Variants in ALDH9A1 observed in about 807,000 individuals in gnomAD.
ALDH9A1 encodes 4-trimethylaminobutyraldehyde dehydrogenase.
ALDH9A1 carries 42 observed loss-of-function variants against 56.6 expected under a neutral mutation model. The ratio of observed to expected loss-of-function variants is 0.74; its 90% confidence interval spans 0.58 to 0.96. ALDH9A1 has a LOEUF of 0.96. Among genes scored for constraint, ALDH9A1 ranks in the 40% least tolerant of loss-of-function variants. The probability of loss-of-function intolerance (pLI) is 0.00; values close to 1 mark genes in which losing one functional copy is unlikely to be tolerated. For missense variants in ALDH9A1, 661 were observed against 651.5 expected (o/e 1.01, Z -0.16); for synonymous variants, 242 against 236.0 (o/e 1.03, Z -0.23).
rs1255183237 is a variant in ALDH9A1 at position 165,694,251 on chromosome 1, G to A, written c.327+1001C>T. Among the ~76,000 whole-genome samples the A allele has an allele frequency of 3.3e-5, 5 of 150,254 alleles. No individual in the cohort carries two copies. In the South Asian group the frequency reaches 8.5e-4, roughly 25 times the overall value. On this transcript the variant is annotated intron_variant, in intron 2 of 10. Transcript: ENST00000354775. Reference sequence around the variant, plus strand: ...GAGGCAGGATTATCACTTGTTCCTCGCAGCTCTGGACTCCCAGGAAGAGGC... The same window carrying A: ...GAGGCAGGATTATCACTTGTTCCTCACAGCTCTGGACTCCCAGGAAGAGGC...
intron 6 of ALDH9A1, among the ~76,000 whole-genome samples, chr1:165,670,811 C>T (rs989472010): frequency 6.6e-6 from 1 of 152,104 alleles, no homozygotes; most frequent in Admixed American, 6.5e-5. Context: ...GTGGCTCAGG[C>T]CTGTAATCCC....
intron 2 of ALDH9A1, among the ~76,000 whole-genome samples, chr1:165,689,794 C>T (rs542874585): frequency 1.3e-5 from 2 of 151,748 alleles, no homozygotes; most frequent in South Asian, 2.1e-4. Flanking sequence ...AATAGCCAGG[C>T]GTGGTGTCAT....
At chr1:165,673,385 G>C (rs887290428) in intron 6 of ALDH9A1, among the ~76,000 whole-genome samples, 6 of 152,188 alleles carry the variant, frequency 3.9e-5, no homozygotes, top group Non-Finnish European at 5.9e-5. Context: ...CTCTGCCTAT[G>C]GAGTAGCCAT....
At chr1:165,683,950 A>G (rs765049000) in intron 2 of ALDH9A1, among the ~76,000 whole-genome samples, 14 of 152,244 alleles carry the variant, frequency 9.2e-5, no homozygotes, top group Non-Finnish European at 1.8e-4. Flanking sequence ...GGTGACTATC[A>G]GAACATACAT....
chr1:165,673,037 T>C (rs1442425361), intron 6 of ALDH9A1, among the ~76,000 whole-genome samples: 2 of 139,330 alleles, frequency 1.4e-5, no homozygotes, highest in Non-Finnish European at 3.1e-5. Context: ...AAATTTTACA[T>C]TAGGCTTTAC....
intron 2 of ALDH9A1, among the ~76,000 whole-genome samples, chr1:165,691,208 G>A (rs1404198875): frequency 6.6e-6 from 1 of 152,192 alleles, no homozygotes; most frequent in Non-Finnish European, 1.5e-5. Flanking sequence ...TGCAATATTT[G>A]CTGTTCTACA....
Position 165,671,270 on chromosome 1 carries a change from C to T in ALDH9A1, c.931-1820G>A, listed in dbSNP as rs550675154. On this transcript the variant is annotated intron_variant, in intron 6 of 10. Transcript: ENST00000354775. ...CAGCTGCCATCATGGGTCACATGCA[C>T]GCTTCTGGGAAGGGTCTGTCTCAGT... 27 of 242,344 alleles carry T rather than the reference C, an allele frequency of 1.1e-4. 1 individual carries two copies. The highest frequency in any genetic ancestry group is 8.9e-4 in the South Asian group (19 of 21,260). 15.0% of individuals were successfully genotyped at this position (242,344 alleles called of 1,614,324 possible).
intron 2 of ALDH9A1, 95 bp from the exon 3 acceptor site, chr1:165,683,205 C>A: frequency 7.7e-7 from 1 of 1,303,928 alleles, no homozygotes; most frequent in South Asian, 1.3e-5. Context: ...ATTTTTAAAA[C>A]TAAAAATAGC....
intron 1 of ALDH9A1, among the ~76,000 whole-genome samples, chr1:165,697,842 A>C (rs1204252803): frequency 6.6e-6 from 1 of 151,820 alleles, no homozygotes; most frequent in East Asian, 1.9e-4. Context: ...CAGCCTGAGT[A>C]ACATGCTGAA....
Position 165,680,647 on chromosome 1 carries a change from G to C in ALDH9A1, c.629C>G (p.Pro210Arg). ...TTCAGCCAGTAGCAATGCAGAAACAGGTGTAAAGGGAGAAGGTTTAAAGAC... is the reference window on the plus strand; with the variant it reads ...TTCAGCCAGTAGCAATGCAGAAACACGTGTAAAGGGAGAAGGTTTAAAGAC... Reference protein sequence around the residue: ...AMVFKPSPFTPVSALLLAEIY... With the variant: ...AMVFKPSPFTRVSALLLAEIY... Residue 210 changes from proline (P) to arginine (R), a missense_variant, in exon 5 of 11, where the codon CCT (proline) becomes CGT (arginine). Coordinates refer to ENST00000354775, the MANE Select transcript of ALDH9A1 (RefSeq NM_000696.4). The C allele has an allele frequency of 6.2e-7, 1 of 1,613,454 alleles. No homozygotes were observed. The highest frequency in any genetic ancestry group is 8.5e-7 in the Non-Finnish European group (1 of 1,179,798).
intron 3 of ALDH9A1, 103 bp downstream of exon 3, chr1:165,682,878 T>C (rs1206919671): frequency 9.6e-6 from 13 of 1,354,304 alleles, no homozygotes; most frequent in Non-Finnish European, 1.3e-5. Flanking sequence ...ACCCAAGACT[T>C]TCACCCAGGT....
chr1:165,672,675 G>A lies in ALDH9A1; in HGVS notation c.931-3225C>T, dbSNP rs1031869037. Among the ~76,000 whole-genome samples, 6 of 152,248 alleles carry A rather than the reference G, an allele frequency of 3.9e-5. No homozygotes were observed. In the South Asian group the frequency reaches 6.2e-4, roughly 16 times the overall value. ...AAAAAGGCCAGGTGTGGTGGCTCAC[G>A]CCTGTAGTTCCAGCACCTTGGGAGG... is the stretch of plus-strand genomic sequence containing the variant. On this transcript the variant is annotated intron_variant, in intron 6 of 10. Coordinates refer to ENST00000354775, the MANE Select transcript of ALDH9A1 (RefSeq NM_000696.4).
Position 165,669,159 on chromosome 1 carries a change from G to C in ALDH9A1, c.1119+103C>G, listed in dbSNP as rs1032088826. ...CAGCCAGGGATGCTAATAGTCCAATGAATAATAGTCATACGAATATTAACA... is the reference window on the plus strand; with the variant it reads ...CAGCCAGGGATGCTAATAGTCCAATCAATAATAGTCATACGAATATTAACA... On this transcript the variant is annotated intron_variant, in intron 7 of 10. Transcript: ENST00000354775. 7 of 1,345,788 alleles carry C rather than the reference G, an allele frequency of 5.2e-6. No individual in the cohort carries two copies. The African/African-American group carries it at 1.0e-4, about 20-fold the overall frequency. The allele number at this position is 1,345,788 out of a possible 1,614,324, so 83.4% of individuals were successfully genotyped here.
chr1:165,688,673 ACTC>A (rs1649787978), intron 2 of ALDH9A1, among the ~76,000 whole-genome samples: 1 of 152,114 alleles, frequency 6.6e-6, no homozygotes. Flanking sequence ...GTGCCACTGC[ACTC>A]CAGCCTGGGT....
At chr1:165,687,142 G>C (rs10753687) in intron 2 of ALDH9A1, among the ~76,000 whole-genome samples, 105,499 of 151,890 alleles carry the variant, frequency 0.69, 36,957 homozygotes, top group East Asian at 0.98. Flanking sequence ...ACACACACAG[G>C]GGGTGGGAGG....
chr1:165,671,019 C>T (rs1649162514), intron 6 of ALDH9A1, among the ~76,000 whole-genome samples: 1 of 152,134 alleles, frequency 6.6e-6, no homozygotes, highest in African/African-American at 2.4e-5. Context: ...TGCAGTGAGC[C>T]GAGATCGTCC....
chr1:165,677,857 CAA>C (rs35531113), intron 6 of ALDH9A1, among the ~76,000 whole-genome samples: 37,371 of 86,324 alleles, frequency 0.43, 5,640 homozygotes, highest in Middle Eastern at 0.53. Context: ...GACTCTGTCT[CAA>C]AAAAAAAAAA....
Position 165,695,241 on chromosome 1 carries a change from T to C in ALDH9A1, c.327+11A>G, listed in dbSNP as rs748629569. ...TGTCTGAGTTCTGGAAGGAAATAAATTGGAACATACCCTTATTATCCTGGC... is the reference window on the plus strand; with the variant it reads ...TGTCTGAGTTCTGGAAGGAAATAAACTGGAACATACCCTTATTATCCTGGC... On this transcript the variant is annotated intron_variant, in intron 2 of 10. Coordinates refer to ENST00000354775, the MANE Select transcript of ALDH9A1 (RefSeq NM_000696.4). 6 of 1,587,726 alleles carry C rather than the reference T, an allele frequency of 3.8e-6. No homozygotes were observed. In the East Asian group the frequency reaches 9.2e-5, roughly 24 times the overall value.
rs556845784 is a variant in ALDH9A1 at position 165,696,445 on chromosome 1, A to G, written c.182-1048T>C. Among the ~76,000 whole-genome samples, 41 of 152,294 alleles carry G rather than the reference A, an allele frequency of 2.7e-4. No homozygotes were observed. The South Asian group carries it at 6.0e-3, about 22-fold the overall frequency. On this transcript the variant is annotated intron_variant, in intron 1 of 10. Coordinates refer to ENST00000354775, the MANE Select transcript of ALDH9A1 (RefSeq NM_000696.4). Reference sequence around the variant, plus strand: ...AAGTAATCAGTCTATTGGGTTATAAACTCTGACTGTAAATCCCTTGTCTAT... The same window carrying G: ...AAGTAATCAGTCTATTGGGTTATAAGCTCTGACTGTAAATCCCTTGTCTAT...
Sources: gnomAD v4.1 joint callset for allele counts (sites outside exome capture counted in the v4.1 genomes callset) on GRCh38, gnomAD v4.1.1 for gene constraint, MANE v1.5 for transcripts, NCBI Gene and HGNC (gene_info 2026-07-23, HGNC 2026-07-21) for gene names.